Variants in ZNF385D observed in about 807,000 individuals in gnomAD.
The protein encoded by ZNF385D is zinc finger protein 659.
ZNF385D carries 15 observed loss-of-function variants against 35.8 expected under a neutral mutation model. The observed-to-expected ratio is 0.42, with a 90% CI of 0.28 to 0.64. The LOEUF (loss-of-function observed/expected upper bound fraction) is 0.64. ZNF385D is among the 30% of genes least tolerant of loss of function. ZNF385D has a pLI of 0.23. For missense variants in ZNF385D, 474 were observed against 494.6 expected, an observed-to-expected ratio of 0.96 and a Z score of 0.39; for synonymous variants, 212 against 186.8, an observed-to-expected ratio of 1.13 and a Z score of -1.10.
intron 1 of ZNF385D, among the ~76,000 whole-genome samples, chr3:21,682,199 T>C (rs2066934382): frequency 6.6e-6 from 1 of 152,330 alleles, no homozygotes; most frequent in East Asian, 1.9e-4. Flanking sequence ...ATTGGCAGGT[T>C]GGTTTGTTTT....
intron 7 of ZNF385D, among the ~76,000 whole-genome samples, chr3:21,421,837 A>G (rs1480090908): frequency 2.0e-5 from 3 of 152,218 alleles, no homozygotes; most frequent in Non-Finnish European, 1.5e-5. Context: ...AATGCTGTCA[A>G]ATGCCATTCG....
intron 2 of ZNF385D, among the ~76,000 whole-genome samples, chr3:22,179,972 C>A (rs1232355183): frequency 2.0e-5 from 3 of 152,010 alleles, no homozygotes; most frequent in Non-Finnish European, 2.9e-5. Context: ...CACAAAAAAC[C>A]CTTCAAAAAA....
intron 2 of ZNF385D, among the ~76,000 whole-genome samples, chr3:21,607,211 A>G (rs754750457): frequency 1.3e-5 from 2 of 152,120 alleles, no homozygotes; most frequent in Non-Finnish European, 2.9e-5. Flanking sequence ...AGAAAAACTA[A>G]TACGATATTA....
chr3:21,655,983 C>T (rs1373789883), intron 2 of ZNF385D, among the ~76,000 whole-genome samples: 4 of 151,644 alleles, frequency 2.6e-5, no homozygotes, highest in African/African-American at 4.8e-5. Flanking sequence ...CATTTTTTTT[C>T]CTATTAAAAA....
chr3:21,972,751 C>A (rs1355243226), intron 3 of ZNF385D, among the ~76,000 whole-genome samples: 1 of 151,774 alleles, frequency 6.6e-6, no homozygotes, highest in Admixed American at 6.6e-5. Flanking sequence ...GACATTACAA[C>A]TAATACCACA....
chr3:22,069,775 T>C (rs1700141468), intron 3 of ZNF385D, among the ~76,000 whole-genome samples: 1 of 152,168 alleles, frequency 6.6e-6, no homozygotes, highest in South Asian at 2.1e-4. Context: ...CTCCTCCACA[T>C]GGCCCTATTG....
At chr3:21,525,959 A>C (rs1708199154) in intron 3 of ZNF385D, among the ~76,000 whole-genome samples, 1 of 152,086 alleles carries the variant, frequency 6.6e-6, no homozygotes, top group Non-Finnish European at 1.5e-5. Flanking sequence ...GGCATATATT[A>C]ACAATTTACT....
rs371040793 is a variant in ZNF385D at position 22,322,036 on chromosome 3, CT to C, written c.106+50413del. On this transcript the variant is annotated intron_variant, in intron 2 of 5. Coordinates refer to the ZNF385D transcript ENST00000494108. Reference sequence around the variant, plus strand: ...ATTCCCTGCCTTTACCCAATTATAGCTTTTTTTCTGGGGTTATTTAACCCAT... The same window carrying C: ...ATTCCCTGCCTTTACCCAATTATAGCTTTTTTCTGGGGTTATTTAACCCAT... 2.7e-3 allele frequency among the ~76,000 whole-genome samples: 407 copies of C among 152,150 alleles called. 2 individuals are homozygous for C. The highest frequency in any genetic ancestry group is 8.9e-3 in the African/African-American group (371 of 41,522).
upstream of ZNF385D, among the ~76,000 whole-genome samples, chr3:21,754,817 G>C (rs977746887): frequency 6.6e-6 from 1 of 152,108 alleles, no homozygotes; most frequent in Non-Finnish European, 1.5e-5. Flanking sequence ...ACAGTTCTTA[G>C]AAAGGTACCT....
At chr3:21,569,346 T>G (rs1258737797) in intron 2 of ZNF385D, among the ~76,000 whole-genome samples, 9 of 149,740 alleles carry the variant, frequency 6.0e-5, no homozygotes, top group Admixed American at 3.3e-4. Context: ...TGATCTTTGT[T>G]GGTTTAAAGT....
At chr3:22,147,072 G>A (rs1017692609) in intron 3 of ZNF385D, among the ~76,000 whole-genome samples, 3 of 152,172 alleles carry the variant, frequency 2.0e-5, no homozygotes, top group African/African-American at 7.2e-5. Context: ...AGGTATAGTA[G>A]TAAATATTAC....
intron 1 of ZNF385D, among the ~76,000 whole-genome samples, chr3:21,743,013 T>C (rs2069592185): frequency 6.6e-6 from 1 of 152,232 alleles, no homozygotes; most frequent in Non-Finnish European, 1.5e-5. Context: ...CATATTTTAG[T>C]TCTCCAAATA....
chr3:21,432,541 A>G (rs1365494023), intron 5 of ZNF385D, among the ~76,000 whole-genome samples: 1 of 152,048 alleles, frequency 6.6e-6, no homozygotes, highest in Non-Finnish European at 1.5e-5. Context: ...TACAGGGAAA[A>G]CCATCAAAAT....
chr3:22,295,537 C>T (rs533958233), intron 2 of ZNF385D, among the ~76,000 whole-genome samples: 2 of 152,078 alleles, frequency 1.3e-5, no homozygotes, highest in African/African-American at 4.8e-5. Flanking sequence ...CAGAAAGTCA[C>T]AATGGGACAT....
At chr3:22,138,753 A>G (rs1055694120) in intron 3 of ZNF385D, among the ~76,000 whole-genome samples, 7 of 152,140 alleles carry the variant, frequency 4.6e-5, no homozygotes, top group African/African-American at 1.7e-4. Context: ...GGACATAGGC[A>G]TGGGCAAGGA....
At chr3:21,520,554 C>G (rs1371011458) in intron 3 of ZNF385D, among the ~76,000 whole-genome samples, 1 of 152,158 alleles carries the variant, frequency 6.6e-6, no homozygotes, top group Admixed American at 6.5e-5. Context: ...TGCTGGAAAA[C>G]CATCTGGCAC....
intron 3 of ZNF385D, among the ~76,000 whole-genome samples, chr3:21,797,087 CA>C (rs1221141184): frequency 6.6e-6 from 1 of 152,180 alleles, no homozygotes; most frequent in African/African-American, 2.4e-5. Flanking sequence ...TTGCAAAACA[CA>C]TATCTGATAA....
chr3:21,866,472 G>A (rs922908756), intron 3 of ZNF385D, among the ~76,000 whole-genome samples: 10 of 152,120 alleles, frequency 6.6e-5, no homozygotes, highest in South Asian at 4.1e-4. Context: ...AGAAATACTC[G>A]CCAGGTTTTA....
chr3:21,788,740 A>G (rs1307418661), intron 3 of ZNF385D, among the ~76,000 whole-genome samples: 1 of 152,218 alleles, frequency 6.6e-6, no homozygotes, highest in African/African-American at 2.4e-5. Flanking sequence ...CCACTGTAAG[A>G]CATGCTTCAT....
Sources: gnomAD v4.1 joint callset for allele counts (sites outside exome capture counted in the v4.1 genomes callset) on GRCh38, gnomAD v4.1.1 for gene constraint, MANE v1.5 for transcripts, NCBI Gene and HGNC (gene_info 2026-07-23, HGNC 2026-07-21) for gene names.